Variants in ZMIZ1 observed in about 807,000 individuals in gnomAD.
The protein encoded by ZMIZ1 is zinc finger MIZ-type containing 1, also known as zinc finger MIZ domain-containing protein 1.
Under a neutral mutation model 113.9 loss-of-function variants are expected in ZMIZ1, and 17 were observed. That is an observed-to-expected ratio of 0.15 (90% CI 0.10 to 0.22). The LOEUF is 0.22. Among genes scored for constraint, ZMIZ1 ranks in the 10% least tolerant of loss-of-function variants. The pLI, the probability that ZMIZ1 is intolerant of heterozygous loss-of-function variation, is 1.00. For missense variants in ZMIZ1, 1,059 were observed against 1,477.8 expected (o/e 0.72, Z 4.65); for synonymous variants, 607 against 603.1 (o/e 1.01, Z -0.09).
chr10:79,073,321 T>C (rs193102834), intron 1 of ZMIZ1, among the ~76,000 whole-genome samples: 2 of 152,294 alleles, frequency 1.3e-5, no homozygotes, highest in East Asian at 3.9e-4. Context: ...GGGTACAGAA[T>C]GGGTAGAACA....
At chr10:79,109,043 G>A (rs1396640672) in intron 1 of ZMIZ1, among the ~76,000 whole-genome samples, 3 of 152,196 alleles carry the variant, frequency 2.0e-5, no homozygotes, top group African/African-American at 7.2e-5. Context: ...GCTGCTTTGG[G>A]CCTGTGCGCA....
intron 7 of ZMIZ1, among the ~76,000 whole-genome samples, chr10:79,232,894 G>C (rs1564539235): frequency 6.6e-6 from 1 of 152,152 alleles, no homozygotes; most frequent in Non-Finnish European, 1.5e-5. Flanking sequence ...AGCACCACCT[G>C]CCCCCTGGGG....
intron 7 of ZMIZ1, among the ~76,000 whole-genome samples, chr10:79,258,384 T>TAAAAGAAAAAAAAAGAAGAAGAAGAAG (rs1851049244): frequency 1.3e-5 from 2 of 151,218 alleles, no homozygotes; most frequent in South Asian, 4.2e-4. Flanking sequence ...AATCCTGTCT[T>TAAAAGAAAAAAAAAGAAGAAGAAGAAG]AAAAGAAAAA....
chr10:79,140,570 C>G (rs1278387578), intron 3 of ZMIZ1, among the ~76,000 whole-genome samples: 1 of 152,168 alleles, frequency 6.6e-6, no homozygotes, highest in Admixed American at 6.5e-5. Flanking sequence ...CATCCATCCA[C>G]TTACCTGTCC....
intron 4 of ZMIZ1, among the ~76,000 whole-genome samples, chr10:79,199,235 T>C (rs11002864): frequency 0.28 from 41,929 of 151,696 alleles, 5,938 homozygotes; most frequent in Middle Eastern, 0.4. Flanking sequence ...TGGCCAGGCG[T>C]GGTGGCTCAC....
At chr10:79,301,810 A>G (rs1276257362) in intron 17 of ZMIZ1, among the ~76,000 whole-genome samples, 1 of 152,106 alleles carries the variant, frequency 6.6e-6, no homozygotes, top group African/African-American at 2.4e-5. Context: ...CTAAGGACAC[A>G]TGATGGGGAG....
chr10:79,242,336 T>C (rs892746346), intron 7 of ZMIZ1, among the ~76,000 whole-genome samples: 2 of 151,998 alleles, frequency 1.3e-5, no homozygotes, highest in African/African-American at 2.4e-5. Context: ...CGCCAGCTCC[T>C]GGTCACAGGA....
intron 11 of ZMIZ1, chr10:79,292,685 G>A (rs1432497391): frequency 2.1e-6 from 1 of 486,902 alleles, no homozygotes; most frequent in Admixed American, 2.4e-5. Context: ...CAAGGAGTGG[G>A]CTCAATGTCT....
chr10:79,254,180 G>A (rs1458923859), intron 7 of ZMIZ1, among the ~76,000 whole-genome samples: 1 of 152,246 alleles, frequency 6.6e-6, no homozygotes, highest in Non-Finnish European at 1.5e-5. Context: ...GCCCTGCTGA[G>A]CCCCTAATTA....
At position 79,277,453 on chromosome 10, in the gene ZMIZ1, G is replaced by A. The variant is rs894953889; in HGVS notation, c.425+128G>A. The stretch of plus-strand genomic sequence containing the variant: ...AGGATGTTGCATTTTCTAAGGTGCA[G>A]TTGTTTTTTTACATCTTCGTGGGTG... On this transcript the variant is annotated intron_variant, in intron 8 of 24. Coordinates refer to ENST00000334512, the MANE Select transcript of ZMIZ1 (RefSeq NM_020338.4). The A allele has an allele frequency of 2.0e-5, 25 of 1,266,276 alleles. 1 individual carries two copies. The highest frequency in any genetic ancestry group is 2.6e-5 in the Non-Finnish European group (25 of 971,098). 78.4% of individuals were successfully genotyped at this position (1,266,276 alleles called of 1,614,324 possible).
chr10:79,304,105 C>T lies in ZMIZ1; in HGVS notation c.2216C>T (p.Ser739Phe), dbSNP rs938444468. Residue 739 changes from serine to phenylalanine, a missense_variant, in exon 19 of 25, where the codon TCT becomes TTT. Physicochemically the swap from Ser to Phe is radical, Grantham distance 155. Coordinates refer to ENST00000334512, the MANE Select transcript of ZMIZ1 (RefSeq NM_020338.4). The stretch of plus-strand genomic sequence containing the variant: ...GTGGAGCAGACGGCCATCAAGGTGT[C>T]TCTGAAGTGCCCCATCACATTCCGG... ...DGVEQTAIKV[S>F]LKCPITFRRI... 6.2e-7 allele frequency: 1 copy of T among 1,614,260 alleles called. No individual in the cohort carries two copies. The highest frequency in any genetic ancestry group is 8.5e-7 in the Non-Finnish European group (1 of 1,180,052).
chr10:79,193,292 T>C (rs145861581), intron 4 of ZMIZ1, among the ~76,000 whole-genome samples: 10 of 152,364 alleles, frequency 6.6e-5, no homozygotes, highest in Non-Finnish European at 1.2e-4. Context: ...AATAATAACA[T>C]TCATGAACTC....
intron 1 of ZMIZ1, among the ~76,000 whole-genome samples, chr10:79,109,189 G>A (rs753509834): frequency 6.6e-6 from 1 of 152,152 alleles, no homozygotes; most frequent in Non-Finnish European, 1.5e-5. Context: ...ATGTCTGTTC[G>A]CTGTCCTGTG....
intron 3 of ZMIZ1, among the ~76,000 whole-genome samples, chr10:79,143,867 G>A (rs1026642584): frequency 6.6e-6 from 1 of 152,210 alleles, no homozygotes; most frequent in African/African-American, 2.4e-5. Context: ...TGCAGAGTGA[G>A]TGCGGTCTGA....
intron 8 of ZMIZ1, among the ~76,000 whole-genome samples, chr10:79,280,327 T>C (rs916933449): frequency 5.3e-5 from 8 of 152,154 alleles, no homozygotes; most frequent in African/African-American, 1.4e-4. Flanking sequence ...CAAGCTGGAA[T>C]GCAGTGGCAC....
intron 2 of ZMIZ1, among the ~76,000 whole-genome samples, chr10:79,132,930 C>T (rs1007914762): frequency 1.3e-5 from 2 of 152,114 alleles, no homozygotes; most frequent in African/African-American, 4.8e-5. Flanking sequence ...CCTCCTGCTC[C>T]GATGAGCTGG....
At chr10:79,231,927 T>A (rs1849410886) in intron 7 of ZMIZ1, among the ~76,000 whole-genome samples, 1 of 152,216 alleles carries the variant, frequency 6.6e-6, no homozygotes. Flanking sequence ...GCTAGTCCAG[T>A]GAGACTGAGG....
chr10:79,147,601 T>C (rs1169851758), intron 3 of ZMIZ1, among the ~76,000 whole-genome samples: 2 of 152,218 alleles, frequency 1.3e-5, no homozygotes, highest in Non-Finnish European at 1.5e-5. Context: ...CCCTCGCCTC[T>C]GTGACATATT....
At chr10:79,119,686 C>T (rs1389684451) in intron 2 of ZMIZ1, among the ~76,000 whole-genome samples, 1 of 152,132 alleles carries the variant, frequency 6.6e-6, no homozygotes, top group Non-Finnish European at 1.5e-5. Context: ...CCTGTCCCAA[C>T]TTAAGAAAAA....
Sources: allele counts gnomAD v4.1 joint callset (sites outside exome capture counted in the v4.1 genomes callset), GRCh38; gene constraint gnomAD v4.1.1; transcripts MANE v1.5; gene names NCBI Gene and HGNC (gene_info 2026-07-23, HGNC 2026-07-21).